MACROD2: variants seen among roughly 807,000 people sequenced by gnomAD.
The protein encoded by MACROD2 is ADP-ribose glycohydrolase MACROD2.
In MACROD2, 36 loss-of-function variants were observed where a neutral mutation model predicts 70.4. The observed-to-expected ratio is 0.51, with a 90% CI of 0.39 to 0.68. The LOEUF (loss-of-function observed/expected upper bound fraction) is 0.68. Ranked by LOEUF, MACROD2 falls within the 30% of genes least tolerant of loss-of-function variation. The pLI is 0.00. For missense variants in MACROD2, 496 were observed against 538.4 expected (o/e 0.92, Z 0.78); for synonymous variants, 172 against 178.8 (o/e 0.96, Z 0.30).
intron 4 of MACROD2, among the ~76,000 whole-genome samples, chr20:14,655,510 A>G (rs1025820399): frequency 2.6e-5 from 4 of 152,038 alleles, no homozygotes; most frequent in African/African-American, 7.3e-5. Context: ...TGGTGTTAAA[A>G]TTTACCTGAC....
intron 8 of MACROD2, among the ~76,000 whole-genome samples, chr20:15,701,931 C>T (rs1439062335): frequency 1.3e-5 from 2 of 152,160 alleles, no homozygotes; most frequent in Non-Finnish European, 2.9e-5. Flanking sequence ...TTTCCTGTTC[C>T]TACATTAATT....
intron 8 of MACROD2, among the ~76,000 whole-genome samples, chr20:15,557,828 GA>G (rs2048188268): frequency 6.6e-6 from 1 of 152,116 alleles, no homozygotes; most frequent in South Asian, 2.1e-4. Flanking sequence ...AACTCCAGCA[GA>G]TTACCATTGT....
intron 2 of MACROD2, among the ~76,000 whole-genome samples, chr20:14,048,796 TAAATAC>T (rs1335229497): frequency 6.6e-6 from 1 of 152,180 alleles, no homozygotes; most frequent in Admixed American, 6.5e-5. Flanking sequence ...CATTTAAGGT[TAAATAC>T]AAAGAATTAC....
chr20:14,781,205 A>C (rs2072296606), intron 5 of MACROD2, among the ~76,000 whole-genome samples: 1 of 151,774 alleles, frequency 6.6e-6, no homozygotes, highest in South Asian at 2.1e-4. Context: ...ACCCCGCCCC[A>C]CCTCAAACCT....
At chr20:15,592,770 G>T (rs1374343270) in intron 8 of MACROD2, among the ~76,000 whole-genome samples, 3 of 152,154 alleles carry the variant, frequency 2.0e-5, no homozygotes, top group African/African-American at 7.2e-5. Context: ...TTCATTATTT[G>T]CAATCTCAGG....
intron 3 of MACROD2, among the ~76,000 whole-genome samples, chr20:14,400,264 A>G (rs2083624072): frequency 1.3e-5 from 2 of 152,190 alleles, no homozygotes; most frequent in Non-Finnish European, 2.9e-5. Context: ...GTTAGACAGT[A>G]CCAGAGCAGA....
At chr20:15,086,859 C>T (rs148692525) in intron 5 of MACROD2, among the ~76,000 whole-genome samples, 141 of 152,214 alleles carry the variant, frequency 9.3e-4, no homozygotes, top group African/African-American at 2.9e-3. Context: ...ATTGAGAGGA[C>T]TAAAGGAGAT....
intron 6 of MACROD2, among the ~76,000 whole-genome samples, chr20:15,388,420 T>C (rs1034638989): frequency 6.6e-6 from 1 of 152,184 alleles, no homozygotes; most frequent in African/African-American, 2.4e-5. Context: ...ACTCCCTTAA[T>C]AGAAAGTGCT....
chr20:15,477,032 A>T (rs897510014), intron 7 of MACROD2, among the ~76,000 whole-genome samples: 2 of 149,544 alleles, frequency 1.3e-5, no homozygotes, highest in African/African-American at 5.0e-5. Flanking sequence ...GCTTGGACTG[A>T]TCTCCACTGT....
At chr20:14,272,169 A>G (rs1016017598) in intron 3 of MACROD2, among the ~76,000 whole-genome samples, 1 of 152,144 alleles carries the variant, frequency 6.6e-6, no homozygotes, top group African/African-American at 2.4e-5. Flanking sequence ...CCTCGAGAAG[A>G]GCAACTCCAA....
At chr20:15,070,423 T>C (rs539113514) in intron 5 of MACROD2, among the ~76,000 whole-genome samples, 243 of 152,124 alleles carry the variant, frequency 1.6e-3, no homozygotes, top group African/African-American at 5.6e-3. Context: ...ACATGAAATT[T>C]GGGGGATCAG....
intron 12 of MACROD2, among the ~76,000 whole-genome samples, chr20:15,961,366 G>C (rs1271246030): frequency 6.6e-6 from 1 of 152,044 alleles, no homozygotes; most frequent in Non-Finnish European, 1.5e-5. Flanking sequence ...CTCCAAACAG[G>C]TGCCTTTACA....
At chr20:15,189,873 C>A (rs959544770) in intron 5 of MACROD2, among the ~76,000 whole-genome samples, 12 of 151,882 alleles carry the variant, frequency 7.9e-5, no homozygotes, top group Non-Finnish European at 1.2e-4. Context: ...AACCTCCTGG[C>A]CTGATCCTAT....
chr20:14,314,427 A>G (rs1486759620), intron 3 of MACROD2, among the ~76,000 whole-genome samples: 1 of 152,194 alleles, frequency 6.6e-6, no homozygotes, highest in Non-Finnish European at 1.5e-5. Context: ...GTTGTATTAT[A>G]AGATACCAAG....
At chr20:15,288,018 G>A (rs942817210) in intron 6 of MACROD2, among the ~76,000 whole-genome samples, 11 of 152,136 alleles carry the variant, frequency 7.2e-5, no homozygotes, top group Admixed American at 2.6e-4. Flanking sequence ...GATATAGGGC[G>A]GAAAGGACAC....
At chr20:15,353,657 GA>G (rs1432311442) in intron 6 of MACROD2, among the ~76,000 whole-genome samples, 1 of 149,872 alleles carries the variant, frequency 6.7e-6, no homozygotes, top group African/African-American at 2.5e-5. Flanking sequence ...AAATTTACAA[GA>G]AAAAAACAAC....
At chr20:14,437,626 T>C (rs2122948166) in intron 3 of MACROD2, among the ~76,000 whole-genome samples, 1 of 152,240 alleles carries the variant, frequency 6.6e-6, no homozygotes, top group South Asian at 2.1e-4. Context: ...TAAATATTTG[T>C]TATATGAATC....
At chr20:14,611,909 G>A (rs1245485765) in intron 4 of MACROD2, among the ~76,000 whole-genome samples, 2 of 152,072 alleles carry the variant, frequency 1.3e-5, no homozygotes, top group African/African-American at 2.4e-5. Context: ...AAATTACATA[G>A]TGGATTATTC....
Position 14,416,234 on chromosome 20 carries a change from G to A in MACROD2, c.272-77245G>A, listed in dbSNP as rs563365683. 2.6e-5 allele frequency among the ~76,000 whole-genome samples: 4 copies of A among 152,210 alleles called. No homozygotes were observed. The South Asian group carries it at 8.3e-4, about 32-fold the overall frequency. On this transcript the variant is annotated intron_variant, in intron 3 of 17. Transcript: ENST00000684519. ...GGTCCCCCAAAGTGCTGGGATTACAGGCGTGAGCCACCGCACCCATCCTCT... is the reference window on the plus strand; with the variant it reads ...GGTCCCCCAAAGTGCTGGGATTACAAGCGTGAGCCACCGCACCCATCCTCT...
Sources: gnomAD v4.1 joint callset for allele counts (sites outside exome capture counted in the v4.1 genomes callset) on GRCh38, gnomAD v4.1.1 for gene constraint, MANE v1.5 for transcripts, NCBI Gene and HGNC (gene_info 2026-07-23, HGNC 2026-07-21) for gene names.